Variants in CPLANE1 observed in about 807,000 individuals in gnomAD.
The protein encoded by CPLANE1 is ciliogenesis and planar polarity effector complex subunit 1.
CPLANE1 carries 263 observed loss-of-function variants against 362.5 expected under a neutral mutation model. The observed-to-expected ratio is 0.73, with a 90% CI of 0.66 to 0.80. CPLANE1 has a LOEUF of 0.80. Among genes scored for constraint, CPLANE1 ranks in the 30% least tolerant of loss-of-function variants. The probability of loss-of-function intolerance (pLI) is 0.00; values close to 1 mark genes in which losing one functional copy is unlikely to be tolerated. For missense variants in CPLANE1, 3,461 were observed against 3,793.4 expected (o/e 0.91, Z 2.30); for synonymous variants, 1,212 against 1,302.6 (o/e 0.93, Z 1.50).
At chr5:37,248,994 C>T (rs1740803164) in intron 1 of CPLANE1, among the ~76,000 whole-genome samples, 1 of 152,196 alleles carries the variant, frequency 6.6e-6, no homozygotes, top group African/African-American at 2.4e-5. Flanking sequence ...CCGGGTGACC[C>T]CGGCCCCTTG....
At chr5:37,187,375 G>C in intron 23 of CPLANE1, 39 bp downstream of exon 23, 1 of 1,503,666 alleles carries the variant, frequency 6.7e-7, no homozygotes, top group South Asian at 1.3e-5. Flanking sequence ...TAAAGTCTCT[G>C]ATTCTGATGT....
intron 50 of CPLANE1, among the ~76,000 whole-genome samples, chr5:37,119,996 AAG>A (rs1762184516): frequency 6.6e-6 from 1 of 152,104 alleles, no homozygotes; most frequent in Non-Finnish European, 1.5e-5. Flanking sequence ...CAAAAAGAAA[AAG>A]AAAAAAAAAG....
intron 15 of CPLANE1, among the ~76,000 whole-genome samples, chr5:37,218,123 G>T (rs1374716081): frequency 1.3e-5 from 2 of 152,142 alleles, no homozygotes; most frequent in East Asian, 3.8e-4. Context: ...CTTGTAAGGT[G>T]GTCCTTGGCT....
At position 37,209,563 on chromosome 5, in the gene CPLANE1, G is replaced by A. The variant is rs1214593336; in HGVS notation, c.2921-3138C>T. ...CCTCAGTCCATTTCAGTGCAAGGGA[G>A]CTCCCTCTTAATAAGTGCCTCTAAC... On this transcript the variant is annotated intron_variant, in intron 16 of 52. Coordinates refer to ENST00000651892, the MANE Select transcript of CPLANE1 (RefSeq NM_001384732.1). This position sits in a 1 kb window ranked among gnomAD's most constrained non-coding sequence, Gnocchi z 4.6. 6.8e-6 allele frequency: 9 copies of A among 1,326,790 alleles called. No homozygotes were observed. The Admixed American group carries it at 8.4e-5, about 12-fold the overall frequency. The allele number at this position is 1,326,790 out of a possible 1,614,324, so 82.2% of individuals were successfully genotyped here. A position where few individuals can be genotyped will look rare whatever the true frequency, so the allele number is the denominator to read the frequency against.
At chr5:37,077,606 C>CTTT in the CPLANE1 span, among the ~76,000 whole-genome samples, 126 of 75,918 alleles carry the variant, frequency 1.7e-3, no homozygotes, top group Middle Eastern at 9.6e-3. Flanking sequence ...GTGTGTGTGT[C>CTTT]TTTTTTTTTT....
Position 37,173,864 on chromosome 5 carries a change from G to C in CPLANE1, c.6062C>G (p.Pro2021Arg), listed in dbSNP as rs928348123. The C allele has an allele frequency of 2.5e-6, 4 of 1,614,114 alleles. No individual in the cohort carries two copies. The highest frequency in any genetic ancestry group is 3.4e-6 in the Non-Finnish European group (4 of 1,180,008). Residue 2021 changes from proline (P) to arginine (R), a missense_variant, in exon 32 of 53, where the codon CCT (proline) becomes CGT (arginine). By Grantham distance (103) the Pro-to-Arg change is moderately radical (BLOSUM62 -2). Coordinates refer to ENST00000651892, the MANE Select transcript of CPLANE1 (RefSeq NM_001384732.1). ...CTGGGTCTTCTGAGGTGTTGGAGCA[G>C]GTGGTTGTGAAGCAACATTGACTCC... The part of the protein sequence containing the change: ...SNGVNVASQP[P>R]APTPQKTQRN...
At chr5:37,204,147 C>T (rs1790026205) in intron 18 of CPLANE1, among the ~76,000 whole-genome samples, 1 of 152,172 alleles carries the variant, frequency 6.6e-6, no homozygotes, top group East Asian at 1.9e-4. Context: ...CCAACTTTCA[C>T]ACAGTAACAT....
the CPLANE1 span, among the ~76,000 whole-genome samples, chr5:37,099,467 A>C: frequency 6.6e-6 from 1 of 152,222 alleles, no homozygotes; most frequent in Non-Finnish European, 1.5e-5. Flanking sequence ...TGCAAAGGAC[A>C]TGATCTCGTT....
At position 37,184,874 on chromosome 5, in the gene CPLANE1, T is replaced by C. The variant is rs751112394; in HGVS notation, c.4395A>G (p.Leu1465=). The C allele has an allele frequency of 1.9e-6, 3 of 1,613,530 alleles. No homozygotes were observed. Among genetic ancestry groups the C allele is most frequent in the African/African-American group, 1.3e-5 (1 of 74,932 alleles). The change falls in exon 25 of 53, where the codon CTA becomes CTG. Residue 1465 remains leucine, a synonymous_variant. Transcript: ENST00000651892. The part of the protein sequence containing the change: ...TSLSRSTLTE[L]GDSVVHSDAD... ...CATCACTGTGAACCACAGAATCTCC[T>C]AGTTCTGTGAGTGTACTTCTGCTCA...
chr5:37,147,261 G>A (rs1159256789), intron 43 of CPLANE1, among the ~76,000 whole-genome samples: 1 of 152,100 alleles, frequency 6.6e-6, no homozygotes, highest in East Asian at 1.9e-4. Flanking sequence ...TCAGCCACAA[G>A]GGAAATTTTA....
intron 14 of CPLANE1, among the ~76,000 whole-genome samples, chr5:37,223,308 A>C (rs1006433720): frequency 6.6e-6 from 1 of 151,710 alleles, no homozygotes; most frequent in African/African-American, 2.4e-5. Flanking sequence ...TGATGCTTGC[A>C]CTCCAGCCTG....
At chr5:37,181,602 C>T (rs1175529847) in intron 26 of CPLANE1, among the ~76,000 whole-genome samples, 1 of 152,118 alleles carries the variant, frequency 6.6e-6, no homozygotes, top group Non-Finnish European at 1.5e-5. Context: ...GTCACTTGAG[C>T]TCAGGAGTTT....
At chr5:37,166,025 G>C (rs1294533535) in intron 35 of CPLANE1, among the ~76,000 whole-genome samples, 1 of 152,098 alleles carries the variant, frequency 6.6e-6, no homozygotes, top group Non-Finnish European at 1.5e-5. Context: ...AAGACATTAA[G>C]CACACTTAGT....
chr5:37,080,836 G>A, the CPLANE1 span, among the ~76,000 whole-genome samples: 3 of 152,100 alleles, frequency 2.0e-5, no homozygotes, highest in Non-Finnish European at 2.9e-5. Context: ...AAACCCATAC[G>A]ATGCACAGGG....
chr5:37,102,761 T>C (rs1757354984), downstream of CPLANE1, among the ~76,000 whole-genome samples: 1 of 152,200 alleles, frequency 6.6e-6, no homozygotes, highest in African/African-American at 2.4e-5. Context: ...GATTGTGCTG[T>C]GGTCTGAGCA....
At chr5:37,191,595 C>T (rs573420654) in intron 21 of CPLANE1, among the ~76,000 whole-genome samples, 2 of 152,048 alleles carry the variant, frequency 1.3e-5, no homozygotes, top group Non-Finnish European at 2.9e-5. Flanking sequence ...TGCCTGAACC[C>T]GGGAGGCAGA....
chr5:37,189,455 T>C (rs968169433), intron 21 of CPLANE1, among the ~76,000 whole-genome samples: 1 of 152,154 alleles, frequency 6.6e-6, no homozygotes. Context: ...GCCCAATCTT[T>C]TGAGAAAGGC....
chr5:37,237,015 A>G (rs920394515), intron 8 of CPLANE1, among the ~76,000 whole-genome samples: 11 of 152,220 alleles, frequency 7.2e-5, no homozygotes, highest in African/African-American at 2.2e-4. Flanking sequence ...AAATTAGTAC[A>G]ATCATTATGG....
the CPLANE1 span, among the ~76,000 whole-genome samples, chr5:37,078,021 A>AT: frequency 1.3e-5 from 2 of 152,150 alleles, no homozygotes; most frequent in Non-Finnish European, 2.9e-5. Context: ...CCAAAGTGAG[A>AT]TTACAGGTAG....
Sources: allele counts gnomAD v4.1 joint callset (sites outside exome capture counted in the v4.1 genomes callset), GRCh38; gene constraint gnomAD v4.1.1; non-coding constraint Gnocchi (gnomAD v3.1); transcripts MANE v1.5; gene names NCBI Gene and HGNC (gene_info 2026-07-23, HGNC 2026-07-21).